NXPE2: variants seen among roughly 807,000 people sequenced by gnomAD.
NXPE2 encodes the protein neurexophilin and PC-esterase domain family member 2.
A neutral mutation model predicts 34.4 loss-of-function variants in NXPE2; 34 were observed. That is an observed-to-expected ratio of 0.99 (90% CI 0.75 to 1.31). The LOEUF (loss-of-function observed/expected upper bound fraction) is 1.31. Among genes scored for constraint, NXPE2 ranks in the 40% most tolerant of loss-of-function variants. The pLI, the probability that NXPE2 is intolerant of heterozygous loss-of-function variation, is 0.00. For missense variants in NXPE2, 649 were observed against 672.5 expected, an observed-to-expected ratio of 0.97 and a Z score of 0.39; for synonymous variants, 235 against 231.3, an observed-to-expected ratio of 1.02 and a Z score of -0.15.
the NXPE2 span, among the ~76,000 whole-genome samples, chr11:114,535,866 A>T: frequency 2.0e-5 from 3 of 152,120 alleles, no homozygotes; most frequent in Non-Finnish European, 2.9e-5. Flanking sequence ...AACATTAGAC[A>T]GATCAACGAG....
chr11:114,484,807 GTTC>G, the NXPE2 span, among the ~76,000 whole-genome samples: 13 of 152,232 alleles, frequency 8.5e-5, no homozygotes, highest in African/African-American at 3.1e-4. Flanking sequence ...TTTCAAAAAT[GTTC>G]TTATTTCTAT....
At chr11:114,804,147 T>C in the NXPE2 span, among the ~76,000 whole-genome samples, 7 of 152,230 alleles carry the variant, frequency 4.6e-5, no homozygotes, top group Non-Finnish European at 8.8e-5. Flanking sequence ...AGTCAGGTTG[T>C]TGTTTAAAGG....
chr11:114,786,625 G>A, the NXPE2 span, among the ~76,000 whole-genome samples: 1 of 152,134 alleles, frequency 6.6e-6, no homozygotes, highest in African/African-American at 2.4e-5. Context: ...GAATTATTGT[G>A]GATTCCAGGT....
the NXPE2 span, among the ~76,000 whole-genome samples, chr11:114,631,511 T>A: frequency 3.8e-5 from 4 of 104,518 alleles, no homozygotes; most frequent in South Asian, 1.4e-3. Flanking sequence ...CATAACACTC[T>A]GGGGACTGTT....
At chr11:114,604,776 A>G in the NXPE2 span, among the ~76,000 whole-genome samples, 4 of 151,100 alleles carry the variant, frequency 2.6e-5, no homozygotes, top group African/African-American at 9.7e-5. Flanking sequence ...ACTGTTACCC[A>G]GTGGATAATA....
chr11:114,700,537 G>A (rs1275095760), intron 3 of NXPE2, among the ~76,000 whole-genome samples: 1 of 152,062 alleles, frequency 6.6e-6, no homozygotes, highest in Admixed American at 6.5e-5. Flanking sequence ...GTGAGGGAGA[G>A]AGAAGATGAG....
the NXPE2 span, among the ~76,000 whole-genome samples, chr11:114,557,380 T>C: frequency 6.6e-6 from 1 of 152,056 alleles, no homozygotes; most frequent in African/African-American, 2.4e-5. Context: ...ATGAGGGACC[T>C]TAGAAAACTG....
the NXPE2 span, among the ~76,000 whole-genome samples, chr11:114,755,706 A>G: frequency 6.7e-6 from 1 of 149,266 alleles, no homozygotes; most frequent in South Asian, 2.2e-4. Context: ...CCATCTATCT[A>G]TCCATCTATC....
the NXPE2 span, among the ~76,000 whole-genome samples, chr11:114,578,045 A>T: frequency 2.6e-5 from 4 of 152,192 alleles, no homozygotes; most frequent in African/African-American, 7.2e-5. Context: ...TTTTCATCAC[A>T]TTAATTAGAC....
chr11:114,629,344 T>G, the NXPE2 span, among the ~76,000 whole-genome samples: 256 of 146,818 alleles, frequency 1.7e-3, no homozygotes, highest in African/African-American at 5.4e-3. Flanking sequence ...GCTTCATCCC[T>G]GGGATGCAAG....
the NXPE2 span, among the ~76,000 whole-genome samples, chr11:114,533,000 T>C: frequency 4.3e-4 from 66 of 152,192 alleles, no homozygotes; most frequent in Non-Finnish European, 8.2e-4. Context: ...ATAGGAAACC[T>C]TAAACATTTT....
chr11:114,613,347 G>A, the NXPE2 span, among the ~76,000 whole-genome samples: 2 of 151,856 alleles, frequency 1.3e-5, no homozygotes, highest in African/African-American at 4.8e-5. Flanking sequence ...AATAAGTACT[G>A]CCTCGTGGAT....
chr11:114,715,299 T>G, the NXPE2 span, among the ~76,000 whole-genome samples: 46 of 152,356 alleles, frequency 3.0e-4, no homozygotes, highest in East Asian at 8.7e-3. Context: ...TTTCAGAGAT[T>G]CATGCTTATA....
At chr11:114,530,349 C>T in the NXPE2 span, 1 of 1,614,210 alleles carries the variant, frequency 6.2e-7, no homozygotes, top group Middle Eastern at 1.6e-4. Flanking sequence ...GGTCAGGCCA[C>T]ATTCAGTGAA....
chr11:114,698,033 TC>T lies in NXPE2; in HGVS notation c.133-11del, dbSNP rs1311648776. 1 of 1,460,430 alleles carries T rather than the reference TC, an allele frequency of 6.8e-7. No individual in the cohort carries two copies. The highest frequency in any genetic ancestry group is 9.1e-7 in the Non-Finnish European group (1 of 1,101,602). The allele number at this position is 1,460,430 out of a possible 1,614,324, so 90.5% of individuals were successfully genotyped here. On this transcript the variant is annotated splice_polypyrimidine_tract_variant and intron_variant, in intron 2 of 5. Coordinates refer to ENST00000389586, the MANE Select transcript of NXPE2 (RefSeq NM_182495.6). ...TGCTGATGATATTTTCTTTTCCCTT[TC>T]AATATTTCAGTTCTCGTTCAACTTG...
rs778835054 is a variant in NXPE2, at chr11:114,698,397, G to T, written c.485G>T (p.Gly162Val). The stretch of plus-strand genomic sequence containing the variant: ...ATGTACTCCACAGCACTAATGGCAG[G>T]TGCTTCAGGAAAGGTGACTGACTTC... ...ARMYSTALMAGASGKVTDFNN... is the reference protein window; with the variant it reads ...ARMYSTALMAVASGKVTDFNN... The change falls in exon 3 of 6, where the codon GGT (glycine) becomes GTT (valine). Residue 162 changes from glycine (G) to valine (V), a missense_variant. Physicochemically the swap from Gly to Val is moderately radical, Grantham distance 109. Coordinates refer to ENST00000389586, the MANE Select transcript of NXPE2 (RefSeq NM_182495.6). 1 of 1,613,882 alleles carries T rather than the reference G, an allele frequency of 6.2e-7. No homozygotes were observed. Among genetic ancestry groups the T allele is most frequent in the African/African-American group, 1.3e-5 (1 of 74,918 alleles).
the NXPE2 span, among the ~76,000 whole-genome samples, chr11:114,807,861 C>A: frequency 0.96 from 145,464 of 151,950 alleles, 69,961 homozygotes; most frequent in Middle Eastern, 1. Context: ...CATCTACAGA[C>A]CTCTCCACCC....
At chr11:114,490,545 C>A in the NXPE2 span, among the ~76,000 whole-genome samples, 1 of 152,086 alleles carries the variant, frequency 6.6e-6, no homozygotes, top group Non-Finnish European at 1.5e-5. Flanking sequence ...AGAAATAATG[C>A]CGCATATCTA....
At chr11:114,669,707 C>T in the NXPE2 span, among the ~76,000 whole-genome samples, 2 of 152,086 alleles carry the variant, frequency 1.3e-5, no homozygotes, top group South Asian at 4.1e-4. Context: ...AGAGGCAGGT[C>T]ATAGCAACAG....
Sources: allele counts gnomAD v4.1 joint callset (sites outside exome capture counted in the v4.1 genomes callset), GRCh38; gene constraint gnomAD v4.1.1; transcripts MANE v1.5; gene names NCBI Gene and HGNC (gene_info 2026-07-23, HGNC 2026-07-21).